FHIT: variants seen among roughly 807,000 people sequenced by gnomAD.
FHIT encodes fragile histidine triad diadenosine triphosphatase.
In FHIT, 19 loss-of-function variants were observed where a neutral mutation model predicts 17.9. That is an observed-to-expected ratio of 1.06 (90% confidence interval 0.74 to 1.56). The LOEUF (loss-of-function observed/expected upper bound fraction) is 1.56. FHIT is among the 40% of genes most tolerant of loss of function. The pLI, the probability that FHIT is intolerant of heterozygous loss-of-function variation, is 0.00. For synonymous variants in FHIT, 81 were observed against 69.7 expected (o/e 1.16, Z -0.81); for missense variants, 248 against 189.2 (o/e 1.31, Z -1.82).
intron 5 of FHIT, among the ~76,000 whole-genome samples, chr3:60,147,920 G>GA (rs943539528): frequency 1.3e-5 from 2 of 152,124 alleles, no homozygotes; most frequent in Non-Finnish European, 2.9e-5. Flanking sequence ...TAGGACAGTG[G>GA]AAAATCAAGG....
chr3:61,083,750 GT>G lies in FHIT; in HGVS notation c.-163-41652del, dbSNP rs1169880384. On this transcript the variant is annotated intron_variant, in intron 2 of 9. Coordinates refer to ENST00000492590, the MANE Select transcript of FHIT (RefSeq NM_002012.4). ...TTATCAATGGAATTATATGATATGT[GT>G]TTTTTTTATTTTGTTTTTGTGACTG... Among the ~76,000 whole-genome samples the G allele has an allele frequency of 5.9e-5, 9 of 152,062 alleles. No individual in the cohort carries two copies. In the South Asian group the frequency reaches 1.2e-3, roughly 21 times the overall value.
At chr3:61,081,422 T>A (rs1257594572) in intron 2 of FHIT, among the ~76,000 whole-genome samples, 1 of 152,230 alleles carries the variant, frequency 6.6e-6, no homozygotes, top group Non-Finnish European at 1.5e-5. Context: ...GAAAGCAGAA[T>A]GAGGAAAAAA....
In FHIT at chr3:60,608,115, T is replaced by C. The variant is rs73836619; in HGVS notation, c.-17-71136A>G. ...GAGCCCTCAGGGGTGTACACTGTAA[T>C]GTCCATCTTCCCTCGTCTGCTCACG... On this transcript the variant is annotated intron_variant, in intron 4 of 9. Transcript: ENST00000492590. 3.4e-3 allele frequency among the ~76,000 whole-genome samples: 511 copies of C among 152,304 alleles called. 6 individuals carry two copies. Among genetic ancestry groups the C allele is most frequent in the African/African-American group, 0.012 (497 of 41,556 alleles).
intron 7 of FHIT, among the ~76,000 whole-genome samples, chr3:59,934,810 T>C (rs1706151124): frequency 6.6e-6 from 1 of 152,076 alleles, no homozygotes; most frequent in African/African-American, 2.4e-5. Flanking sequence ...CTCAGTATCA[T>C]GAGAACACGA....
chr3:60,084,846 CT>C (rs113455271), intron 5 of FHIT, among the ~76,000 whole-genome samples: 26 of 149,898 alleles, frequency 1.7e-4, no homozygotes, highest in East Asian at 3.9e-4. Context: ...TTGATAGTGA[CT>C]TTTTTTTTTC....
intron 4 of FHIT, among the ~76,000 whole-genome samples, chr3:60,546,140 C>G (rs184463093): frequency 2.3e-4 from 35 of 152,108 alleles, no homozygotes; most frequent in African/African-American, 7.2e-4. Context: ...TGTTTTCTAT[C>G]CATTAAAGAA....
At chr3:59,760,730 G>C (rs1701467584) in intron 8 of FHIT, among the ~76,000 whole-genome samples, 1 of 152,120 alleles carries the variant, frequency 6.6e-6, no homozygotes, top group Admixed American at 6.5e-5. Context: ...GAGACCATCA[G>C]TAATTCTATC....
intron 5 of FHIT, among the ~76,000 whole-genome samples, chr3:60,493,522 A>G (rs2107505765): frequency 6.6e-6 from 1 of 152,304 alleles, no homozygotes; most frequent in South Asian, 2.1e-4. Flanking sequence ...TATAAGCTGC[A>G]ATGTCAATTT....
chr3:60,906,698 C>A (rs1366433876), intron 3 of FHIT, among the ~76,000 whole-genome samples: 1 of 152,146 alleles, frequency 6.6e-6, no homozygotes, highest in African/African-American at 2.4e-5. Flanking sequence ...ATTTGAGCCT[C>A]ACAAAAGAAT....
chr3:60,139,061 T>A (rs999262074), intron 5 of FHIT, among the ~76,000 whole-genome samples: 2 of 152,176 alleles, frequency 1.3e-5, no homozygotes, highest in African/African-American at 4.8e-5. Flanking sequence ...TCACAGAGAA[T>A]ACAGAAAGTT....
At chr3:60,448,470 T>C (rs1288954469) in intron 5 of FHIT, among the ~76,000 whole-genome samples, 4 of 152,198 alleles carry the variant, frequency 2.6e-5, no homozygotes, top group Non-Finnish European at 4.4e-5. Flanking sequence ...GTGCCAAGGA[T>C]ATTACATAAA....
chr3:60,405,491 A>T (rs7429694), intron 5 of FHIT, among the ~76,000 whole-genome samples: 2,584 of 152,130 alleles, frequency 0.017, 43 homozygotes, highest in Non-Finnish European at 0.027. Flanking sequence ...TGACCTCCTC[A>T]CCCTTCAATG....
intron 4 of FHIT, among the ~76,000 whole-genome samples, chr3:60,591,216 C>A (rs1449877664): frequency 1.3e-5 from 2 of 152,000 alleles, no homozygotes; most frequent in Non-Finnish European, 2.9e-5. Context: ...TCTGAAAAAC[C>A]AAGTGGACAT....
intron 5 of FHIT, among the ~76,000 whole-genome samples, chr3:60,215,018 G>A (rs1703633425): frequency 6.6e-6 from 1 of 152,020 alleles, no homozygotes. Context: ...GACTGCTTGA[G>A]GAGGGAGATG....
intron 2 of FHIT, among the ~76,000 whole-genome samples, chr3:61,179,008 C>CTTTTTTTTTTTTTTT (rs778191387): frequency 7.1e-5 from 9 of 127,626 alleles, no homozygotes; most frequent in East Asian, 2.5e-4. Context: ...TTTTCTTTTT[C>CTTTTTTTTTTTTTTT]TTTTTTTTTT....
At chr3:60,425,746 G>C (rs189369055) in intron 5 of FHIT, among the ~76,000 whole-genome samples, 1 of 152,156 alleles carries the variant, frequency 6.6e-6, no homozygotes, top group Non-Finnish European at 1.5e-5. Flanking sequence ...AGGCTAAGTA[G>C]TTAAATCAGA....
At chr3:60,909,789 C>T (rs1706631973) in intron 3 of FHIT, among the ~76,000 whole-genome samples, 1 of 152,134 alleles carries the variant, frequency 6.6e-6, no homozygotes, top group Non-Finnish European at 1.5e-5. Context: ...GGCTCCTAGA[C>T]AGATACCATT....
At chr3:61,120,136 C>T (rs1198250134) in intron 2 of FHIT, among the ~76,000 whole-genome samples, 1 of 152,110 alleles carries the variant, frequency 6.6e-6, no homozygotes, top group African/African-American at 2.4e-5. Flanking sequence ...ACTAGTGAAC[C>T]AGGGCATGTT....
intron 5 of FHIT, among the ~76,000 whole-genome samples, chr3:60,215,261 G>A (rs1703646161): frequency 6.6e-6 from 1 of 152,160 alleles, no homozygotes; most frequent in Non-Finnish European, 1.5e-5. Context: ...GGAGGCCAAG[G>A]CAAGTGGATC....
Sources: gnomAD v4.1 joint callset for allele counts (sites outside exome capture counted in the v4.1 genomes callset) on GRCh38, gnomAD v4.1.1 for gene constraint, MANE v1.5 for transcripts, NCBI Gene and HGNC (gene_info 2026-07-23, HGNC 2026-07-21) for gene names.